Variants in TSC2 observed in about 807,000 individuals in gnomAD.
TSC2 encodes TSC complex subunit 2.
A neutral mutation model predicts 202.2 loss-of-function variants in TSC2; 29 were observed. The observed-to-expected ratio is 0.14, with a 90% CI of 0.11 to 0.20. TSC2 has a LOEUF of 0.20. TSC2 is among the 10% of genes least tolerant of loss of function. TSC2 has a pLI of 1.00. For missense variants in TSC2, 2,429 were observed against 2,420.0 expected (o/e 1.00, Z -0.08); for synonymous variants, 1,349 against 1,044.0 (o/e 1.29, Z -5.63).
At chr16:2,052,303 C>T (rs781585763) in intron 3 of TSC2, among the ~76,000 whole-genome samples, 10 of 151,562 alleles carry the variant, frequency 6.6e-5, no homozygotes, top group African/African-American at 1.9e-4. Context: ...TAAAAGAACA[C>T]GGCCATTTTG....
rs372149311 is a variant in TSC2, at chr16:2,071,636, C to T, written c.1946+20C>T. On this transcript the variant is annotated intron_variant, in intron 18 of 41. Coordinates refer to ENST00000219476, the MANE Select transcript of TSC2 (RefSeq NM_000548.5). The stretch of plus-strand genomic sequence containing the variant: ...CTACATGTACGCGGGACCTCGCCCA[C>T]GGCCCATGAGGCTCAGGGCGTCAGA... The T allele has an allele frequency of 1.2e-4, 186 of 1,612,604 alleles. No homozygotes were observed. The highest frequency in any genetic ancestry group is 8.3e-5 in the Admixed American group (5 of 59,968).
intron 29 of TSC2, 138 bp from the exon 30 acceptor site, chr16:2,080,022 GGCCGT>G: frequency 8.8e-7 from 1 of 1,137,592 alleles, no homozygotes; most frequent in Non-Finnish European, 1.3e-6. Flanking sequence ...CACTGTGGTG[GGCCGT>G]GCCCCAAGGG....
rs150999168 is a variant in TSC2, at chr16:2,084,299, C to T, written c.4077C>T (p.Ile1359=). The change falls in exon 34 of 42, where the codon ATC becomes ATT. Residue 1359 remains isoleucine (I), a synonymous_variant. Coordinates refer to ENST00000219476, the MANE Select transcript of TSC2 (RefSeq NM_000548.5). ...AEELVGRGIP[I]ERVVSSEGGR... is the part of the protein sequence containing the mutation. ...AGCTGGTTGGCAGGGGCATCCCCAT[C>T]GAGCGAGTCGTCTCCTCGGAGGGTG... 6.5e-5 allele frequency: 105 copies of T among 1,612,670 alleles called. 1 individual carries two copies. The South Asian group carries it at 9.0e-4, about 14-fold the overall frequency.
chr16:2,065,736 C>T (rs1375119006), intron 16 of TSC2, 101 bp downstream of exon 16: 8 of 1,073,746 alleles, frequency 7.5e-6, no homozygotes, highest in East Asian at 2.4e-5. Flanking sequence ...GCGGGACCCA[C>T]ACCCTCCCTG....
chr16:2,080,951 C>T (rs1374673549), intron 30 of TSC2: 3 of 171,640 alleles, frequency 1.7e-5, no homozygotes, highest in African/African-American at 7.2e-5. Flanking sequence ...GCAGGAGGTG[C>T]TCCTCAGAGG....
At position 2,081,734 on chromosome 16, in the gene TSC2, C is replaced by T. The variant is rs45517308; in HGVS notation, c.3750C>T (p.Tyr1250=). 1.9e-6 allele frequency: 3 copies of T among 1,612,976 alleles called. No homozygotes were observed. Among genetic ancestry groups the T allele is most frequent in the Admixed American group, 3.3e-5 (2 of 60,024 alleles). Residue 1250 remains tyrosine (Y), a synonymous_variant, in exon 31 of 42, where the codon TAC becomes TAT. Coordinates refer to ENST00000219476, the MANE Select transcript of TSC2 (RefSeq NM_000548.5). ...AGGAGCACCGGGACACAGCCCTGTA[C>T]AAGTCACTGTCGGTGCCGGCAGCCA... ...RFKEHRDTAL[Y]KSLSVPAAST...
Position 2,060,539 on chromosome 16 carries a change from G to A in TSC2, c.976-131G>A, listed in dbSNP as rs547285853. Reference sequence around the variant, plus strand: ...TGGGCGCCCCACCTGCTGTTTCTGCGGCCCCTGATAAACGTGTGGTGGGCA... The same window carrying A: ...TGGGCGCCCCACCTGCTGTTTCTGCAGCCCCTGATAAACGTGTGGTGGGCA... On this transcript the variant is annotated intron_variant, in intron 10 of 41. Coordinates refer to ENST00000219476, the MANE Select transcript of TSC2 (RefSeq NM_000548.5). 19 of 1,495,926 alleles carry A rather than the reference G, an allele frequency of 1.3e-5. No homozygotes were observed. The Admixed American group carries it at 1.5e-4, about 12-fold the overall frequency. The allele number at this position is 1,495,926 out of a possible 1,614,324, so 92.7% of individuals were successfully genotyped here.
In TSC2 at chr16:2,088,881, G is replaced by GCACGCGCA; in HGVS notation, c.*274_*275insGCGCACAC. 1 of 420,700 alleles carries GCACGCGCA rather than the reference G, an allele frequency of 2.4e-6. No homozygotes were observed. The highest frequency in any genetic ancestry group is 4.3e-6 in the Non-Finnish European group (1 of 230,698). The allele number at this position is 420,700 out of a possible 1,614,324, so 26.1% of individuals were successfully genotyped here. On this transcript the variant is annotated 3_prime_UTR_variant, in exon 42 of 42. Transcript: ENST00000219476. ...ACAGCACACTCGCGCGTGCGCGCGC[G>GCACGCGCA]CACACACACACACACACAGTCACCT...
rs2090268813 is a variant in TSC2, at chr16:2,082,504, G to A, written c.3883G>A (p.Asp1295Asn). Residue 1295 changes from aspartate to asparagine, a missense_variant and splice_region_variant, in exon 32 of 42, where the codon GAC becomes AAC. By Grantham distance (23) the Asp-to-Asn change is conservative. Transcript: ENST00000219476. ...GQLHRSVSWA[D>N]SAVVMEEGSP... ...GCTGCACAGGAGCGTTTCCTGGGCA[G>A]GTATCGCCTCTCAGAGGGAAGCGGT... 1 of 1,611,438 alleles carries A rather than the reference G, an allele frequency of 6.2e-7. No individual in the cohort carries two copies. Among genetic ancestry groups the A allele is most frequent in the South Asian group, 1.1e-5 (1 of 91,086 alleles).
At chr16:2,054,125 C>A in intron 4 of TSC2, 171 bp from the exon 5 acceptor site, 1 of 1,064,216 alleles carries the variant, frequency 9.4e-7, no homozygotes. Context: ...TGCATCCGGC[C>A]CCCTGCCCTG....
intron 30 of TSC2, 150 bp from the exon 31 acceptor site, chr16:2,081,443 CAG>C: frequency 9.8e-7 from 1 of 1,025,562 alleles, no homozygotes. Flanking sequence ...GGGTGGCCGT[CAG>C]AGCAGCGCTG....
intron 16 of TSC2, chr16:2,066,552 TA>T (rs2151221390): frequency 6.6e-6 from 1 of 152,260 alleles, no homozygotes; most frequent in Admixed American, 6.5e-5. Context: ...GCCCTAGGTT[TA>T]GTCTGCATTT....
chr16:2,079,031 G>T lies in TSC2; in HGVS notation c.2967-1G>T, dbSNP rs1596382055. ...ACCCTGGTCACGGCCTCTCCCTCCA[G>T]CAGGATACAGACGTCCCTCACCAGT... On this transcript the variant is annotated splice_acceptor_variant, in intron 26 of 41. Coordinates refer to ENST00000219476, the MANE Select transcript of TSC2 (RefSeq NM_000548.5). LOFTEE classifies it high-confidence loss of function. This position sits in a 1 kb window ranked among gnomAD's most constrained non-coding sequence, Gnocchi z 4.6. The T allele has an allele frequency of 1.2e-6, 2 of 1,612,618 alleles. No individual in the cohort carries two copies. The highest frequency in any genetic ancestry group is 8.5e-7 in the Non-Finnish European group (1 of 1,180,010).
At chr16:2,049,710 C>T (rs1371210089) in intron 2 of TSC2, among the ~76,000 whole-genome samples, 1 of 151,322 alleles carries the variant, frequency 6.6e-6, no homozygotes, top group Non-Finnish European at 1.5e-5. Flanking sequence ...CCTGTAATTC[C>T]AGCTACTCGG....
In TSC2 at chr16:2,070,588, C is replaced by T. The variant is rs868388786; in HGVS notation, c.1839+10C>T. On this transcript the variant is annotated intron_variant, in intron 17 of 41. Transcript: ENST00000219476. ...CAGCATCCGGCTGCAGGTATGGTGG[C>T]TGGGGTTGCGCAGCCAGTTCCTGGG... is the stretch of plus-strand genomic sequence containing the variant. 5 of 1,612,840 alleles carry T rather than the reference C, an allele frequency of 3.1e-6. No homozygotes were observed. In the African/African-American group the frequency reaches 4.0e-5, roughly 13 times the overall value.
intron 6 of TSC2, 190 bp from the exon 7 acceptor site, chr16:2,056,006 A>G (rs559794280): frequency 1.4e-6 from 1 of 694,878 alleles, no homozygotes; most frequent in East Asian, 2.7e-5. Flanking sequence ...TGTCTCACTC[A>G]TGCTGAACAC....
At chr16:2,085,423 C>T in intron 36 of TSC2, 101 bp downstream of exon 36, 1 of 1,249,462 alleles carries the variant, frequency 8.0e-7, no homozygotes. Flanking sequence ...CAGAGCTCAA[C>T]ACTGCCGGGT....
rs373968155 is a variant in TSC2, at chr16:2,080,187, C to T, written c.3420C>T (p.Gly1140=). Residue 1140 remains glycine (G), a synonymous_variant, in exon 30 of 42, where the codon GGC becomes GGT. Transcript: ENST00000219476. ...SMSGGHGLRV[G]ALDVPASQFL... is the part of the protein sequence containing the mutation. ...CAGGGGGCCATGGTCTTCGAGTTGG[C>T]GCCCTGGACGTGCCGGCCTCCCAGT... The T allele has an allele frequency of 9.7e-5, 156 of 1,612,834 alleles. No homozygotes were observed. Among genetic ancestry groups the T allele is most frequent in the African/African-American group, 6.1e-4 (46 of 74,954 alleles).
At chr16:2,069,284 A>G (rs918369280) in intron 16 of TSC2, among the ~76,000 whole-genome samples, 2 of 152,112 alleles carry the variant, frequency 1.3e-5, no homozygotes, top group African/African-American at 2.4e-5. Context: ...TTTATGTCAT[A>G]ATATTTTGAG....
Sources: gnomAD v4.1 joint callset for allele counts (sites outside exome capture counted in the v4.1 genomes callset) on GRCh38, gnomAD v4.1.1 for gene constraint, Gnocchi (gnomAD v3.1) non-coding constraint, MANE v1.5 for transcripts, NCBI Gene and HGNC (gene_info 2026-07-23, HGNC 2026-07-21) for gene names.